FLT3: variants seen among roughly 807,000 people sequenced by gnomAD.
FLT3 encodes receptor-type tyrosine-protein kinase FLT3.
In FLT3, 46 loss-of-function variants were observed where a neutral mutation model predicts 126.6. That is an observed-to-expected ratio of 0.36 (90% CI 0.29 to 0.46). FLT3 has a LOEUF of 0.46. Ranked by LOEUF, FLT3 falls within the 20% of genes least tolerant of loss-of-function variation. FLT3 has a pLI of 1.00. For missense variants in FLT3, 1,069 were observed against 1,190.3 expected, an observed-to-expected ratio of 0.90 and a Z score of 1.50; for synonymous variants, 404 against 434.4, an observed-to-expected ratio of 0.93 and a Z score of 0.87.
At chr13:28,071,614 A>G (rs188432327) in intron 1 of FLT3, among the ~76,000 whole-genome samples, 1 of 152,102 alleles carries the variant, frequency 6.6e-6, no homozygotes, top group Non-Finnish European at 1.5e-5. Context: ...GTCTATCCTA[A>G]GCTCTATGAT....
At chr13:28,085,291 C>G (rs1878592871) in intron 1 of FLT3, among the ~76,000 whole-genome samples, 1 of 139,164 alleles carries the variant, frequency 7.2e-6, no homozygotes, top group South Asian at 2.2e-4. Context: ...TTGTAGTGAG[C>G]CAAGATTGTG....
intron 9 of FLT3, among the ~76,000 whole-genome samples, chr13:28,044,297 A>G (rs1406646550): frequency 6.6e-6 from 1 of 151,852 alleles, no homozygotes; most frequent in Non-Finnish European, 1.5e-5. Flanking sequence ...AAAAATACAA[A>G]AAAATAGCTG....
At chr13:28,023,228 C>T (rs1872545569) in intron 19 of FLT3, 122 bp downstream of exon 19, 1 of 1,002,656 alleles carries the variant, frequency 1.0e-6, no homozygotes, top group Non-Finnish European at 1.5e-6. Context: ...GTGACTCCAA[C>T]AGTGAACAGG....
chr13:28,078,106 A>C (rs1203898339), intron 1 of FLT3, among the ~76,000 whole-genome samples: 1 of 152,094 alleles, frequency 6.6e-6, no homozygotes, highest in African/African-American at 2.4e-5. Flanking sequence ...TTCCAGGTAC[A>C]TGGTGCAAGC....
At chr13:28,026,110 C>T (rs1026777319) in intron 17 of FLT3, among the ~76,000 whole-genome samples, 18 of 151,940 alleles carry the variant, frequency 1.2e-4, no homozygotes, top group African/African-American at 2.9e-4. Flanking sequence ...CAGCACTTTG[C>T]GGGGCCTAGG....
chr13:28,093,736 G>C (rs193044079), intron 1 of FLT3, among the ~76,000 whole-genome samples: 1 of 152,282 alleles, frequency 6.6e-6, no homozygotes, highest in Non-Finnish European at 1.5e-5. Flanking sequence ...GTCTGGGTTA[G>C]AGGTTCAGCC....
At chr13:28,047,172 T>G (rs1874959286) in intron 9 of FLT3, among the ~76,000 whole-genome samples, 1 of 152,156 alleles carries the variant, frequency 6.6e-6, no homozygotes, top group Non-Finnish European at 1.5e-5. Flanking sequence ...AATCCACATT[T>G]TAAACATTTG....
chr13:28,016,411 C>G (rs563097790), intron 20 of FLT3, among the ~76,000 whole-genome samples: 1 of 152,090 alleles, frequency 6.6e-6, no homozygotes, highest in Non-Finnish European at 1.5e-5. Context: ...GCTGGGATTA[C>G]AGGTACGCAC....
At chr13:28,059,403 C>T (rs903335432) in intron 3 of FLT3, among the ~76,000 whole-genome samples, 4 of 152,102 alleles carry the variant, frequency 2.6e-5, no homozygotes, top group Non-Finnish European at 5.9e-5. Context: ...CATCTCATTT[C>T]GGCAAGAGGA....
chr13:28,061,982 C>A lies in FLT3; in HGVS notation c.253G>T (p.Val85Leu). 1.2e-6 allele frequency: 2 copies of A among 1,612,738 alleles called. No homozygotes were observed. Among genetic ancestry groups the A allele is most frequent in the Non-Finnish European group, 1.7e-6 (2 of 1,179,006 alleles). ...VYEAAAVEVD[V>L]SASITLQVLV... ...ACTTGCAGTGTGATGGAAGCAGATA[C>A]ATCCACTTCCACAGCGGCAGCTTCG... The change falls in exon 3 of 24, where the codon GTA (valine) becomes TTA (leucine). Residue 85 changes from valine (V) to leucine (L), a missense_variant. Transcript: ENST00000241453.
In FLT3 at chr13:28,100,425, TGAGGGACCGC is replaced by T. The variant is rs1879754327; in HGVS notation, c.43+33_43+42del. ...CGGGTCCACACTGCGGGGTGGGGGC[TGAGGGACCGC>T]GAGGGGCTGCGAGCGAGCGAGCGGG... is the stretch of plus-strand genomic sequence containing the variant. On this transcript the variant is annotated intron_variant, in intron 1 of 23. Transcript: ENST00000241453. This position sits in a 1 kb window ranked among gnomAD's most constrained non-coding sequence, Gnocchi z 4.8. 8.3e-7 allele frequency: 1 copy of T among 1,203,026 alleles called. No homozygotes were observed. Among genetic ancestry groups the T allele is most frequent in the Non-Finnish European group, 1.0e-6 (1 of 967,220 alleles). The allele number at this position is 1,203,026 out of a possible 1,614,324, so 74.5% of individuals were successfully genotyped here. A position where few individuals can be genotyped will look rare whatever the true frequency, so the allele number is the denominator to read the frequency against.
intron 10 of FLT3, among the ~76,000 whole-genome samples, chr13:28,036,352 T>TCCTCCTTGCCATGCAA (rs952147563): frequency 6.6e-6 from 1 of 152,130 alleles, no homozygotes; most frequent in African/African-American, 2.4e-5. Context: ...ATTTCTTCTT[T>TCCTCCTTGCCATGCAA]CCTCCTTGCC....
intron 17 of FLT3, among the ~76,000 whole-genome samples, 187 bp downstream of exon 17, chr13:28,026,901 A>G (rs1178552074): frequency 6.6e-6 from 1 of 152,172 alleles, no homozygotes; most frequent in East Asian, 1.9e-4. Flanking sequence ...ACCTGTACTG[A>G]AGGAAAGGGA....
At chr13:28,070,394 A>G in intron 2 of FLT3, 97 bp downstream of exon 2, 1 of 992,304 alleles carries the variant, frequency 1.0e-6, no homozygotes, top group South Asian at 1.5e-5. Context: ...TTAAATACAT[A>G]AAGAGAAGCC....
intron 1 of FLT3, among the ~76,000 whole-genome samples, chr13:28,075,593 C>T (rs112497182): frequency 0.099 from 15,021 of 151,464 alleles, 2,498 homozygotes; most frequent in African/African-American, 0.34. Flanking sequence ...GGTGAAGTGG[C>T]GCATGCCTGT....
chr13:28,042,669 C>G (rs1040070314), intron 9 of FLT3, among the ~76,000 whole-genome samples: 29 of 152,112 alleles, frequency 1.9e-4, no homozygotes, highest in Admixed American at 8.5e-4. Flanking sequence ...CTTTTATTCT[C>G]ACAGAATGGC....
At chr13:28,032,005 C>T (rs925969863) in intron 15 of FLT3, among the ~76,000 whole-genome samples, 35 of 151,864 alleles carry the variant, frequency 2.3e-4, no homozygotes, top group Non-Finnish European at 1.0e-4. Flanking sequence ...GATGGAGGGA[C>T]GAGGATGGAA....
chr13:28,053,181 C>T (rs1281755999), intron 4 of FLT3, among the ~76,000 whole-genome samples: 1 of 151,606 alleles, frequency 6.6e-6, no homozygotes, highest in Non-Finnish European at 1.5e-5. Context: ...GGATCACACA[C>T]ACACACACAC....
At chr13:28,021,247 A>G (rs1255416062) in intron 19 of FLT3, among the ~76,000 whole-genome samples, 2 of 152,074 alleles carry the variant, frequency 1.3e-5, no homozygotes, top group Non-Finnish European at 2.9e-5. Flanking sequence ...AAAATTAGCC[A>G]GGTGTGGTGG....
Sources: allele counts gnomAD v4.1 joint callset (sites outside exome capture counted in the v4.1 genomes callset), GRCh38; gene constraint gnomAD v4.1.1; non-coding constraint Gnocchi (gnomAD v3.1); transcripts MANE v1.5; gene names NCBI Gene and HGNC (gene_info 2026-07-23, HGNC 2026-07-21).